The following BAIAP3 variants were observed in gnomAD, a reference collection of about 807,000 sequenced individuals.
The protein encoded by BAIAP3 is BAI1 associated protein 3.
A neutral mutation model predicts 149.7 loss-of-function variants in BAIAP3; 180 were observed. That is an observed-to-expected ratio of 1.20 (90% CI 1.07 to 1.36). BAIAP3 has a LOEUF of 1.36. BAIAP3 is among the 40% of genes most tolerant of loss of function. The probability of loss-of-function intolerance (pLI) is 0.00; values close to 1 mark genes in which losing one functional copy is unlikely to be tolerated. For synonymous variants in BAIAP3, 845 were observed against 670.7 expected (o/e 1.26, Z -4.02); for missense variants, 1,767 against 1,563.4 (o/e 1.13, Z -2.20).
Position 1,342,779 on chromosome 16 carries a change from A to G in BAIAP3, c.1126A>G (p.Ser376Gly). 1 of 1,612,684 alleles carries G rather than the reference A, an allele frequency of 6.2e-7. No homozygotes were observed. Among genetic ancestry groups the G allele is most frequent in the Non-Finnish European group, 8.5e-7 (1 of 1,179,998 alleles). Residue 376 changes from serine to glycine, a missense_variant, in exon 13 of 34, where the codon AGC (serine) becomes GGC (glycine). Physicochemically the swap from Ser to Gly is moderately conservative, Grantham distance 56 (BLOSUM62 0). Coordinates refer to ENST00000426824, the MANE Select transcript of BAIAP3 (RefSeq NM_001199097.2). The part of the protein sequence containing the change: ...SGFLSHLLLL[S>G]HLLRLEHSAE... ...CTTCCTGTCCCACCTGCTGCTGCTC[A>G]GCCATCTGCTGCGGTTGGAGCACTC... is the stretch of plus-strand genomic sequence containing the variant.
intron 1 of BAIAP3, among the ~76,000 whole-genome samples, chr16:1,337,669 GGCT>G (rs377475253): frequency 4.6e-5 from 7 of 152,248 alleles, no homozygotes; most frequent in East Asian, 1.9e-4. Flanking sequence ...GTGACATCTG[GGCT>G]GCTGCTGCTG....
In BAIAP3 at chr16:1,346,450, C is replaced by T. The variant is rs762047159; in HGVS notation, c.2502C>T (p.Gly834=). 10 of 1,612,058 alleles carry T rather than the reference C, an allele frequency of 6.2e-6. No homozygotes were observed. The highest frequency in any genetic ancestry group is 2.2e-5 in the East Asian group (1 of 44,852). ...VTAHLTSKMV[G]DIRKYVQHIS... ...ACTGCTCCTGCCCTCAGATGGTGGG[C>T]GACATCCGCAAGTATGTACAGCACA... Residue 834 remains glycine, a synonymous_variant, in exon 26 of 34, where the codon GGC becomes GGT. Transcript: ENST00000426824.
In BAIAP3 at chr16:1,347,801, T is replaced by A. The variant is rs1191339722; in HGVS notation, c.3005T>A (p.Leu1002Gln). 1 of 1,605,906 alleles carries A rather than the reference T, an allele frequency of 6.2e-7. No homozygotes were observed. Among genetic ancestry groups the A allele is most frequent in the Non-Finnish European group, 8.5e-7 (1 of 1,175,050 alleles). ...LAVEVLHAAD[L>Q]LPLDANGLSD... ...GTGGAGGTGCTGCACGCCGCGGACC[T>A]GCTCCCCCTGGACGCCAACGGTGAG... Residue 1002 changes from leucine (L) to glutamine (Q), a missense_variant, in exon 31 of 34, where the codon CTG becomes CAG. Physicochemically the swap from Leu to Gln is moderately radical, Grantham distance 113. Coordinates refer to ENST00000426824, the MANE Select transcript of BAIAP3 (RefSeq NM_001199097.2).
chr16:1,335,494 C>G (rs992012921), intron 1 of BAIAP3, among the ~76,000 whole-genome samples: 3 of 152,214 alleles, frequency 2.0e-5, no homozygotes, highest in Non-Finnish European at 1.5e-5. Context: ...TCACTCCTGC[C>G]CCGTAAGTGC....
In BAIAP3 at chr16:1,348,835, A is replaced by C; in HGVS notation, c.*353A>C. On this transcript the variant is annotated 3_prime_UTR_variant, in exon 34 of 34. Coordinates refer to ENST00000426824, the MANE Select transcript of BAIAP3 (RefSeq NM_001199097.2). ...GGCGGTGGGCAGCTGGTCTCCAGGG[A>C]CTCAGTGAGTGGCTGTGCTCTCTGC... 1 of 411,614 alleles carries C rather than the reference A, an allele frequency of 2.4e-6. No individual in the cohort carries two copies. Among genetic ancestry groups the C allele is most frequent in the Non-Finnish European group, 4.5e-6 (1 of 222,770 alleles). 25.5% of individuals were successfully genotyped at this position (411,614 alleles called of 1,614,324 possible).
Position 1,347,279 on chromosome 16 carries a change from C to T in BAIAP3, c.2752-19C>T, listed in dbSNP as rs568473235. 57 of 1,611,516 alleles carry T rather than the reference C, an allele frequency of 3.5e-5. 1 individual carries two copies. In the South Asian group the frequency reaches 5.6e-4, roughly 16 times the overall value. On this transcript the variant is annotated intron_variant, in intron 28 of 33. Transcript: ENST00000426824. ...CAAGCCAGGCTCCCTGACACCTCTG[C>T]CTTCTTTCCCTGCCCCAGGCCCTGG...
chr16:1,340,750 C>T (rs1415892619), intron 5 of BAIAP3, among the ~76,000 whole-genome samples, 172 bp from the exon 6 acceptor site: 1 of 152,264 alleles, frequency 6.6e-6, no homozygotes, highest in African/African-American at 2.4e-5. Flanking sequence ...CTGGGCATGC[C>T]CAGGCCCCTT....
intron 29 of BAIAP3, 82 bp from the exon 30 acceptor site, chr16:1,347,463 G>A (rs1027811078): frequency 1.3e-6 from 2 of 1,580,264 alleles, no homozygotes; most frequent in Non-Finnish European, 1.7e-6. Context: ...GCATGAGGTG[G>A]CCCCACGGGC....
chr16:1,346,026 G>C lies in BAIAP3; in HGVS notation c.2249G>C (p.Arg750Pro), dbSNP rs891288975. 1 of 1,611,524 alleles carries C rather than the reference G, an allele frequency of 6.2e-7. No homozygotes were observed. The highest frequency in any genetic ancestry group is 1.7e-5 in the Admixed American group (1 of 59,872). The part of the protein sequence containing the change: ...EATLFYTELL[R>P]KKVDTQPGAA... ...ACCCTCTTCTATACGGAGCTGCTTC[G>C]GAAGAAGGTGGACACTCAGCCAGGG... Residue 750 changes from arginine (R) to proline (P), a missense_variant, in exon 24 of 34, where the codon CGG (arginine) becomes CCG (proline). By Grantham distance (103) the Arg-to-Pro change is moderately radical. Coordinates refer to ENST00000426824, the MANE Select transcript of BAIAP3 (RefSeq NM_001199097.2).
rs374656600 is a variant in BAIAP3 at position 1,346,176 on chromosome 16, G to C, written c.2308G>C (p.Val770Leu). 6.2e-7 allele frequency: 1 copy of C among 1,611,240 alleles called. No homozygotes were observed. The highest frequency in any genetic ancestry group is 1.1e-5 in the South Asian group (1 of 91,040). The change falls in exon 25 of 34, where the codon GTG becomes CTG. Residue 770 changes from valine (V) to leucine (L), a missense_variant. By Grantham distance (32) the Val-to-Leu change is conservative (BLOSUM62 1). Coordinates refer to ENST00000426824, the MANE Select transcript of BAIAP3 (RefSeq NM_001199097.2). ...AGEAVSEALC[V>L]VLNNVELVRK... ...CTGGCCACACCTCCTCCAGCTCTGC[G>C]TGGTCCTCAACAATGTGGAGCTCGT...
Position 1,346,444 on chromosome 16 carries a change from G to A in BAIAP3, c.2496G>A (p.Met832Ile). 2.5e-6 allele frequency: 4 copies of A among 1,612,398 alleles called. No individual in the cohort carries two copies. The highest frequency in any genetic ancestry group is 3.4e-6 in the Non-Finnish European group (4 of 1,179,724). Residue 832 changes from methionine to isoleucine, a missense_variant and splice_region_variant, in exon 26 of 34, where the codon ATG becomes ATA. Met to Ile is a conservative substitution (Grantham distance 10, BLOSUM62 1). Coordinates refer to ENST00000426824, the MANE Select transcript of BAIAP3 (RefSeq NM_001199097.2). Reference sequence around the variant, plus strand: ...CTGAGCACTGCTCCTGCCCTCAGATGGTGGGCGACATCCGCAAGTATGTAC... The same window carrying A: ...CTGAGCACTGCTCCTGCCCTCAGATAGTGGGCGACATCCGCAAGTATGTAC... ...HTVTAHLTSK[M>I]VGDIRKYVQH...
In BAIAP3 at chr16:1,342,793, G is replaced by A. The variant is rs1224256337; in HGVS notation, c.1140G>A (p.Arg380=). 7.4e-6 allele frequency: 12 copies of A among 1,612,582 alleles called. No homozygotes were observed. In the Middle Eastern group the frequency reaches 8.4e-4, roughly 113 times the overall value. Residue 380 remains arginine (R), a synonymous_variant, in exon 13 of 34, where the codon CGG becomes CGA. Coordinates refer to ENST00000426824, the MANE Select transcript of BAIAP3 (RefSeq NM_001199097.2). ...SHLLLLSHLL[R]LEHSAEEPNS... is the part of the protein sequence containing the mutation. ...TGCTGCTGCTCAGCCATCTGCTGCG[G>A]TTGGAGCACTCAGCAGAGGAGGTAG...
At chr16:1,343,212 G>C in intron 14 of BAIAP3, 181 bp from the exon 15 acceptor site, 1 of 1,131,130 alleles carries the variant, frequency 8.8e-7, no homozygotes, top group Non-Finnish European at 1.2e-6. Flanking sequence ...GCAGCGAAAG[G>C]GGCGGTGCCA....
chr16:1,336,755 T>C (rs1447590644), intron 1 of BAIAP3, among the ~76,000 whole-genome samples: 2 of 152,202 alleles, frequency 1.3e-5, no homozygotes, highest in Non-Finnish European at 2.9e-5. Flanking sequence ...CAACTGTCCG[T>C]GAGAGCCTGA....
At position 1,338,992 on chromosome 16, in the gene BAIAP3, A is replaced by G. The variant is rs745373846; in HGVS notation, c.219+3A>G. ...GACAGGGCTTGCCGTGCCTCGAGGT[A>G]AGGGTGCCACCCCCAGGGCCCGATA... On this transcript the variant is annotated splice_donor_region_variant and intron_variant, in intron 3 of 33. Coordinates refer to ENST00000426824, the MANE Select transcript of BAIAP3 (RefSeq NM_001199097.2). The G allele has an allele frequency of 2.0e-5, 32 of 1,612,634 alleles. No individual in the cohort carries two copies. The South Asian group carries it at 3.1e-4, about 15-fold the overall frequency.
intron 1 of BAIAP3, among the ~76,000 whole-genome samples, chr16:1,337,197 G>A (rs2141562085): frequency 6.6e-6 from 1 of 152,300 alleles, no homozygotes; most frequent in East Asian, 1.9e-4. Flanking sequence ...GGGTGTGCAG[G>A]GCAGGACCAC....
chr16:1,334,372 C>G (rs1014670472), intron 1 of BAIAP3: 8 of 461,772 alleles, frequency 1.7e-5, no homozygotes, highest in Admixed American at 3.5e-5. Context: ...ACCGCCCGCC[C>G]CCTCCGAGGG....
In BAIAP3 at chr16:1,342,510, C is replaced by T; in HGVS notation, c.958-17C>T. 6.5e-7 allele frequency: 1 copy of T among 1,548,712 alleles called. No homozygotes were observed. The highest frequency in any genetic ancestry group is 8.7e-7 in the Non-Finnish European group (1 of 1,145,870). On this transcript the variant is annotated splice_polypyrimidine_tract_variant and intron_variant, in intron 11 of 33. Transcript: ENST00000426824. ...GGGGGAGGAGTCTGGTGGGCCTGAC[C>T]CCCATGCTACCCCCAGGAGGTGCCT...
At position 1,341,312 on chromosome 16, in the gene BAIAP3, G is replaced by T; in HGVS notation, c.554G>T (p.Cys185Phe). The change falls in exon 8 of 34, where the codon TGC becomes TTC. Residue 185 changes from cysteine to phenylalanine, a missense_variant. Transcript: ENST00000426824. ...KDPNGFSDPYCMLGILPASDA... is the reference protein window; with the variant it reads ...KDPNGFSDPYFMLGILPASDA... ...TGCCCAGGCTTCAGCGACCCATACTGCATGCTGGGCATCCTGCCTGCCTCG... is the reference window on the plus strand; with the variant it reads ...TGCCCAGGCTTCAGCGACCCATACTTCATGCTGGGCATCCTGCCTGCCTCG... The T allele has an allele frequency of 6.2e-7, 1 of 1,611,108 alleles. No individual in the cohort carries two copies.
Sources: gnomAD v4.1 joint callset for allele counts (sites outside exome capture counted in the v4.1 genomes callset) on GRCh38, gnomAD v4.1.1 for gene constraint, MANE v1.5 for transcripts, NCBI Gene and HGNC (gene_info 2026-07-23, HGNC 2026-07-21) for gene names.